Variants in SCARA3 observed in about 807,000 individuals in gnomAD.
The protein encoded by SCARA3 is cellular stress response gene protein.
In SCARA3, 39 loss-of-function variants were observed where a neutral mutation model predicts 47.0. That is an observed-to-expected ratio of 0.83 (90% CI 0.64 to 1.08). The LOEUF (loss-of-function observed/expected upper bound fraction) is 1.08. Among genes scored for constraint, SCARA3 ranks in the 50% least tolerant of loss-of-function variants. The probability of loss-of-function intolerance (pLI) is 0.00; values close to 1 mark genes in which losing one functional copy is unlikely to be tolerated. For missense variants in SCARA3, 724 were observed against 792.3 expected (o/e 0.91, Z 1.04); for synonymous variants, 356 against 334.1 (o/e 1.07, Z -0.71).
chr8:27,732,897 T>C, the SCARA3 span, among the ~76,000 whole-genome samples: 1 of 152,206 alleles, frequency 6.6e-6, no homozygotes, highest in Non-Finnish European at 1.5e-5. Flanking sequence ...GTGTAAACTC[T>C]ATCATAAAAG....
the SCARA3 span, among the ~76,000 whole-genome samples, chr8:27,699,374 C>T: frequency 6.6e-6 from 1 of 151,522 alleles, no homozygotes; most frequent in East Asian, 1.9e-4. Context: ...GAGTCTTGCT[C>T]TGTCACCCAG....
At chr8:27,641,801 T>C (rs1801387914) in intron 1 of SCARA3, among the ~76,000 whole-genome samples, 1 of 152,148 alleles carries the variant, frequency 6.6e-6, no homozygotes, top group Non-Finnish European at 1.5e-5. Flanking sequence ...GTAAATCCCA[T>C]GTCCAGAGCC....
chr8:27,707,519 T>G, the SCARA3 span, among the ~76,000 whole-genome samples: 3 of 150,120 alleles, frequency 2.0e-5, no homozygotes, highest in East Asian at 3.9e-4. Context: ...AATATGTTCT[T>G]GAGGACATCT....
At chr8:27,694,721 T>C in the SCARA3 span, among the ~76,000 whole-genome samples, 1 of 152,058 alleles carries the variant, frequency 6.6e-6, no homozygotes, top group East Asian at 1.9e-4. Flanking sequence ...ATGACCTAAT[T>C]TGTGAACTTG....
At chr8:27,682,620 A>G in the SCARA3 span, among the ~76,000 whole-genome samples, 3 of 152,206 alleles carry the variant, frequency 2.0e-5, no homozygotes, top group African/African-American at 4.8e-5. Flanking sequence ...TAACATGTGT[A>G]AAGATGGTCA....
At chr8:27,651,764 A>G in intron 3 of SCARA3, 137 bp downstream of exon 3, 1 of 1,219,176 alleles carries the variant, frequency 8.2e-7, no homozygotes, top group Non-Finnish European at 1.1e-6. Context: ...TGGCTAGGGG[A>G]TCTCTATGCC....
chr8:27,715,859 TAGATACATAGATAGATAGA>T, the SCARA3 span, among the ~76,000 whole-genome samples: 8 of 92,214 alleles, frequency 8.7e-5, no homozygotes, highest in African/African-American at 3.7e-4. This position sits in a 1 kb window ranked among gnomAD's most constrained non-coding sequence, Gnocchi z 4.2. Flanking sequence ...GATAGATAGA[TAGATACATAGATAGATAGA>T]TAGAAAGAAA....
chr8:27,669,007 C>T (rs1053421765), intron 5 of SCARA3, among the ~76,000 whole-genome samples: 9 of 152,126 alleles, frequency 5.9e-5, no homozygotes, highest in Non-Finnish European at 1.3e-4. Context: ...CGAGTCTTCT[C>T]AGGCTTTTCC....
At position 27,664,720 on chromosome 8, in the gene SCARA3, A is replaced by C. The variant is rs144184463; in HGVS notation, c.1369+5181A>C. 1.9e-3 allele frequency among the ~76,000 whole-genome samples: 277 copies of C among 149,506 alleles called. 3 individuals are homozygous for C. The East Asian group carries it at 0.02, about 11-fold the overall frequency. On this transcript the variant is annotated intron_variant, in intron 5 of 5. Transcript: ENST00000301904. ...TTGCTGCTGTCCTAGTCATGCGTGGAGTTTTCATGTGTGGAGTTCCATGAC... is the reference window on the plus strand; with the variant it reads ...TTGCTGCTGTCCTAGTCATGCGTGGCGTTTTCATGTGTGGAGTTCCATGAC...
chr8:27,641,063 A>G (rs1451658067), intron 1 of SCARA3, among the ~76,000 whole-genome samples: 5 of 152,250 alleles, frequency 3.3e-5, no homozygotes, highest in African/African-American at 1.2e-4. Flanking sequence ...TTATGTAACC[A>G]ATCCCCTGGA....
At chr8:27,691,118 C>T in the SCARA3 span, among the ~76,000 whole-genome samples, 4 of 152,210 alleles carry the variant, frequency 2.6e-5, no homozygotes, top group South Asian at 2.1e-4. Flanking sequence ...GTATACTCTT[C>T]TGCCCCTTTT....
chr8:27,731,099 TTC>T, the SCARA3 span, among the ~76,000 whole-genome samples: 2 of 149,304 alleles, frequency 1.3e-5, no homozygotes, highest in African/African-American at 2.5e-5. Flanking sequence ...TATCTTTTTT[TTC>T]TTTTTTTTTT....
chr8:27,640,095 G>A (rs1362559676), intron 1 of SCARA3, among the ~76,000 whole-genome samples: 1 of 152,170 alleles, frequency 6.6e-6, no homozygotes. Context: ...AGGGAGACTT[G>A]CTTTGAGAAG....
chr8:27,705,548 T>C, the SCARA3 span, among the ~76,000 whole-genome samples: 3 of 152,266 alleles, frequency 2.0e-5, no homozygotes. Context: ...CTGGGTGACC[T>C]TGAGTAATTT....
At chr8:27,721,974 A>T in the SCARA3 span, among the ~76,000 whole-genome samples, 1 of 152,196 alleles carries the variant, frequency 6.6e-6, no homozygotes, top group Admixed American at 6.5e-5. Context: ...CTGTGGTCCC[A>T]GCTACTCAAG....
chr8:27,670,940 T>G lies in SCARA3; in HGVS notation c.1410T>G (p.Asp470Glu). The G allele has an allele frequency of 6.3e-7, 1 of 1,581,888 alleles. No homozygotes were observed. Among genetic ancestry groups the G allele is most frequent in the Non-Finnish European group, 8.6e-7 (1 of 1,168,960 alleles). ...GPPGPRGFKG[D>E]MGVKGPVGGR... ...CAGGACCAAGAGGATTCAAAGGAGA[T>G]ATGGGCGTGAAAGGGCCTGTTGGCG... The change falls in exon 6 of 6, where the codon GAT becomes GAG. Residue 470 changes from aspartate (D) to glutamate (E), a missense_variant. Coordinates refer to ENST00000301904, the MANE Select transcript of SCARA3 (RefSeq NM_016240.3).
At chr8:27,644,621 G>GGAGAGAGAGA (rs71553870) in intron 1 of SCARA3, among the ~76,000 whole-genome samples, 68 of 147,262 alleles carry the variant, frequency 4.6e-4, no homozygotes, top group South Asian at 3.1e-3. Flanking sequence ...GAAAAGAAGG[G>GGAGAGAGAGA]GAGAGAGAGA....
the SCARA3 span, among the ~76,000 whole-genome samples, chr8:27,712,982 T>C: frequency 6.6e-6 from 1 of 152,242 alleles, no homozygotes; most frequent in Non-Finnish European, 1.5e-5. Flanking sequence ...CCAAATAATT[T>C]AGTTGTATTT....
At chr8:27,657,540 CTT>C (rs10548067) in intron 4 of SCARA3, among the ~76,000 whole-genome samples, 9,010 of 94,266 alleles carry the variant, frequency 0.096, 314 homozygotes, top group East Asian at 0.22. Context: ...TGTATTCAAC[CTT>C]TTTTTTTTTT....
Sources: gnomAD v4.1 joint callset for allele counts (sites outside exome capture counted in the v4.1 genomes callset) on GRCh38, gnomAD v4.1.1 for gene constraint, Gnocchi (gnomAD v3.1) non-coding constraint, MANE v1.5 for transcripts, NCBI Gene and HGNC (gene_info 2026-07-23, HGNC 2026-07-21) for gene names.